The following XYLT1 variants were observed in gnomAD, a reference collection of about 807,000 sequenced individuals.
XYLT1 encodes xylosyltransferase 1.
XYLT1 carries 36 observed loss-of-function variants against 91.3 expected under a neutral mutation model. The observed-to-expected ratio is 0.39, with a 90% CI of 0.30 to 0.52. XYLT1 has a LOEUF of 0.52. Ranked by LOEUF, XYLT1 falls within the 20% of genes least tolerant of loss-of-function variation. XYLT1 has a pLI of 0.68. For synonymous variants in XYLT1, 588 were observed against 532.0 expected (o/e 1.11, Z -1.45); for missense variants, 1,242 against 1,284.5 (o/e 0.97, Z 0.51).
chr16:17,211,239 C>T (rs144896061), intron 3 of XYLT1, among the ~76,000 whole-genome samples: 1 of 152,260 alleles, frequency 6.6e-6, no homozygotes, highest in East Asian at 1.9e-4. Flanking sequence ...TGCTTCCAAA[C>T]TAGGATGTGC....
intron 1 of XYLT1, among the ~76,000 whole-genome samples, chr16:17,367,988 C>G (rs2035476609): frequency 6.6e-6 from 1 of 152,226 alleles, no homozygotes; most frequent in African/African-American, 2.4e-5. Flanking sequence ...TCCCTCCCTG[C>G]TTTTCTTCAC....
At chr16:17,456,530 G>A (rs182178989) in intron 1 of XYLT1, among the ~76,000 whole-genome samples, 307 of 151,866 alleles carry the variant, frequency 2.0e-3, no homozygotes, top group Non-Finnish European at 3.4e-3. Context: ...TTGTAAAGAC[G>A]AGGTCCCACT....
Position 17,365,530 on chromosome 16 carries a change from G to A in XYLT1, c.364-7480C>T, listed in dbSNP as rs2035443417. Among the ~76,000 whole-genome samples the A allele has an allele frequency of 3.3e-5, 5 of 152,172 alleles. 1 individual carries two copies. The South Asian group carries it at 1.0e-3, about 32-fold the overall frequency. On this transcript the variant is annotated intron_variant, in intron 1 of 11. Transcript: ENST00000261381. The stretch of plus-strand genomic sequence containing the variant: ...CAAATAGGGCTCAGGGGAGAAAACA[G>A]AAACCCCACAGAGAGAACAAGGGGA...
chr16:17,175,311 T>C (rs1387314359), intron 5 of XYLT1, among the ~76,000 whole-genome samples: 1 of 152,202 alleles, frequency 6.6e-6, no homozygotes, highest in Admixed American at 6.5e-5. Context: ...ACGTGTCTAA[T>C]AATCATGATG....
chr16:17,408,270 G>A (rs2036059729), intron 1 of XYLT1, among the ~76,000 whole-genome samples: 1 of 152,208 alleles, frequency 6.6e-6, no homozygotes, highest in African/African-American at 2.4e-5. Flanking sequence ...AGTAAGTGCA[G>A]TGACATACGC....
At chr16:17,303,324 T>C (rs1474058733) in intron 2 of XYLT1, among the ~76,000 whole-genome samples, 1 of 152,208 alleles carries the variant, frequency 6.6e-6, no homozygotes, top group Non-Finnish European at 1.5e-5. Flanking sequence ...TATCTACAGC[T>C]ACTGTACAGC....
intron 5 of XYLT1, among the ~76,000 whole-genome samples, chr16:17,181,334 C>T (rs1344345196): frequency 6.6e-6 from 1 of 151,988 alleles, no homozygotes; most frequent in Non-Finnish European, 1.5e-5. Context: ...TGTATTAGTA[C>T]AAGGAATAGA....
chr16:17,280,239 A>G (rs767459066), intron 2 of XYLT1, among the ~76,000 whole-genome samples: 1 of 152,160 alleles, frequency 6.6e-6, no homozygotes, highest in Admixed American at 6.5e-5. Context: ...AATCCCAGAT[A>G]CTCGGGAGGC....
chr16:17,429,916 G>A (rs2036368840), intron 1 of XYLT1, among the ~76,000 whole-genome samples: 1 of 149,930 alleles, frequency 6.7e-6, no homozygotes, highest in Admixed American at 6.7e-5. Context: ...AATCATGGGA[G>A]CCAATTCCCA....
chr16:17,439,425 C>T (rs572562417), intron 1 of XYLT1, among the ~76,000 whole-genome samples: 11 of 152,236 alleles, frequency 7.2e-5, no homozygotes, highest in African/African-American at 1.4e-4. Context: ...TGGAAAAGAG[C>T]GGCTCCCTAA....
intron 5 of XYLT1, among the ~76,000 whole-genome samples, chr16:17,184,320 G>A (rs1231360380): frequency 1.3e-5 from 2 of 151,804 alleles, no homozygotes; most frequent in Non-Finnish European, 2.9e-5. Flanking sequence ...GTGAGATCTG[G>A]AGAGGGAGGG....
intron 2 of XYLT1, among the ~76,000 whole-genome samples, chr16:17,280,260 G>A (rs113663391): frequency 0.013 from 1,942 of 152,316 alleles, 52 homozygotes; most frequent in African/African-American, 0.044. Flanking sequence ...TGAGGTGGGT[G>A]AATCGCTTGA....
intron 5 of XYLT1, among the ~76,000 whole-genome samples, chr16:17,195,687 A>C (rs1220905055): frequency 1.3e-5 from 2 of 151,814 alleles, no homozygotes; most frequent in Non-Finnish European, 2.9e-5. Context: ...CTTGTGATCC[A>C]CCTGCCTTGG....
chr16:17,372,800 C>A (rs1355340835), intron 1 of XYLT1, among the ~76,000 whole-genome samples: 1 of 151,974 alleles, frequency 6.6e-6, no homozygotes, highest in African/African-American at 2.4e-5. Flanking sequence ...TCCTCATATG[C>A]GAAGTAGGAA....
intron 2 of XYLT1, among the ~76,000 whole-genome samples, chr16:17,263,648 T>C (rs2033756789): frequency 6.6e-6 from 1 of 152,080 alleles, no homozygotes; most frequent in Non-Finnish European, 1.5e-5. Context: ...TCAGAGTCAC[T>C]GTCATTTTCT....
At chr16:17,341,469 A>G (rs1319338009) in intron 2 of XYLT1, among the ~76,000 whole-genome samples, 1 of 152,212 alleles carries the variant, frequency 6.6e-6, no homozygotes, top group Non-Finnish European at 1.5e-5. Context: ...CAGAAAATAC[A>G]TGTCATAAAA....
chr16:17,115,839 A>G (rs1031390093), intron 11 of XYLT1, among the ~76,000 whole-genome samples: 1 of 128,452 alleles, frequency 7.8e-6, no homozygotes, highest in Non-Finnish European at 1.6e-5. Flanking sequence ...TTTTCCTTGC[A>G]CTATTATCAG....
In XYLT1 at chr16:17,312,611, G is replaced by A. The variant is rs945998401; in HGVS notation, c.402+45401C>T. Among the ~76,000 whole-genome samples, 1 of 152,146 alleles carries A rather than the reference G, an allele frequency of 6.6e-6. No individual in the cohort carries two copies. The highest frequency in any genetic ancestry group is 2.4e-5 in the African/African-American group (1 of 41,410). ...AGGCAATTCACATCAGTACAATACTGTTAACGGGACTGCAGATTTTGTTTT... is the reference window on the plus strand; with the variant it reads ...AGGCAATTCACATCAGTACAATACTATTAACGGGACTGCAGATTTTGTTTT... On this transcript the variant is annotated intron_variant, in intron 2 of 11. Coordinates refer to ENST00000261381, the MANE Select transcript of XYLT1 (RefSeq NM_022166.4). This position sits in a 1 kb window ranked among gnomAD's most constrained non-coding sequence, Gnocchi z 4.4.
intron 5 of XYLT1, among the ~76,000 whole-genome samples, chr16:17,190,779 G>A (rs2032292887): frequency 6.6e-6 from 1 of 152,022 alleles, no homozygotes; most frequent in Non-Finnish European, 1.5e-5. Context: ...CTTTAAAGCA[G>A]CATGATTTAT....
Sources: gnomAD v4.1 joint callset for allele counts (sites outside exome capture counted in the v4.1 genomes callset) on GRCh38, gnomAD v4.1.1 for gene constraint, Gnocchi (gnomAD v3.1) non-coding constraint, MANE v1.5 for transcripts, NCBI Gene and HGNC (gene_info 2026-07-23, HGNC 2026-07-21) for gene names.